The following MRC2 variants were observed in gnomAD, a reference collection of about 807,000 sequenced individuals.
MRC2 encodes the protein mannose receptor C-type 2.
In MRC2, 84 loss-of-function variants were observed where a neutral mutation model predicts 206.2. That is an observed-to-expected ratio of 0.41 (90% CI 0.34 to 0.49). The LOEUF (loss-of-function observed/expected upper bound fraction) is 0.49, where lower values mean the gene tolerates loss of function less well. Among genes scored for constraint, MRC2 ranks in the 20% least tolerant of loss-of-function variants. MRC2 has a pLI of 0.31. For missense variants in MRC2, 1,676 were observed against 2,001.5 expected (o/e 0.84, Z 3.10); for synonymous variants, 798 against 800.0 (o/e 1.00, Z 0.04).
intron 12 of MRC2, among the ~76,000 whole-genome samples, chr17:62,677,905 C>T (rs1267285681): frequency 6.6e-6 from 1 of 152,066 alleles, no homozygotes; most frequent in Non-Finnish European, 1.5e-5. Context: ...AAAAAATTAG[C>T]CAGGTGTGGT....
chr17:62,687,637 G>C (rs1296019740), intron 20 of MRC2, among the ~76,000 whole-genome samples: 2 of 152,352 alleles, frequency 1.3e-5, no homozygotes, highest in Admixed American at 1.3e-4. Context: ...AAATTACAGA[G>C]TTAGAAGCTG....
chr17:62,681,361 G>C (rs1003409046), intron 18 of MRC2: 2 of 589,514 alleles, frequency 3.4e-6, no homozygotes, highest in African/African-American at 3.7e-5. Context: ...AAGTGCTTAC[G>C]CAGCATCCAG....
At chr17:62,677,247 G>A (rs373946808) in intron 11 of MRC2, 22 bp from the exon 12 acceptor site, 305 of 1,549,688 alleles carry the variant, frequency 2.0e-4, no homozygotes, top group Non-Finnish European at 2.6e-4. Flanking sequence ...CAGAGCCTGG[G>A]TCTCCCTTCC....
rs144669561 is a variant in MRC2 at position 62,646,319 on chromosome 17, C to T, written c.119-18229C>T. ...GATTACAGGCGTGAGCCACCGCGCC[C>T]GGCCCCCTCTCTCTCTTTTTTTAAG... On this transcript the variant is annotated intron_variant, in intron 1 of 29. Coordinates refer to ENST00000303375, the MANE Select transcript of MRC2 (RefSeq NM_006039.5). Among the ~76,000 whole-genome samples, 631 of 152,058 alleles carry T rather than the reference C, an allele frequency of 4.1e-3. 2 individuals are homozygous for T. The highest frequency in any genetic ancestry group is 0.015 in the African/African-American group (605 of 41,478).
rs1243401259 is a variant in MRC2 at position 62,690,994 on chromosome 17, A to T, written c.4058A>T (p.Asn1353Ile). 6.2e-7 allele frequency: 1 copy of T among 1,608,806 alleles called. No individual in the cohort carries two copies. Among genetic ancestry groups the T allele is most frequent in the Non-Finnish European group, 8.5e-7 (1 of 1,178,458 alleles). The stretch of plus-strand genomic sequence containing the variant: ...GACAACACAGCTGTGAACTACTCCA[A>T]CTGGGGGCCCCCGGGCTTGGGCCCC... The part of the protein sequence containing the change: ...WQDNTAVNYS[N>I]WGPPGLGPSM... Residue 1353 changes from asparagine to isoleucine, a missense_variant, in exon 28 of 30, where the codon AAC becomes ATC. Asn to Ile is a moderately radical substitution (Grantham distance 149). Around this residue, in one of 3 missense-constraint regions of MRC2, gnomAD observed 1,354 missense variants for 1,636.6 expected, o/e 0.83. Transcript: ENST00000303375.
intron 1 of MRC2, among the ~76,000 whole-genome samples, chr17:62,647,150 A>G (rs1385505462): frequency 6.6e-6 from 1 of 151,904 alleles, no homozygotes; most frequent in Non-Finnish European, 1.5e-5. Flanking sequence ...AAGAAAATAA[A>G]AATGAAGTTA....
At chr17:62,657,195 G>A (rs568352378) in intron 1 of MRC2, among the ~76,000 whole-genome samples, 96 of 152,346 alleles carry the variant, frequency 6.3e-4, no homozygotes, top group Non-Finnish European at 1.8e-4. Flanking sequence ...TGAGGTCACA[G>A]ATTGTTATCG....
Position 62,692,515 on chromosome 17 carries a change from G to T in MRC2, c.*64G>T. 1 of 1,469,592 alleles carries T rather than the reference G, an allele frequency of 6.8e-7. No homozygotes were observed. Among genetic ancestry groups the T allele is most frequent in the Non-Finnish European group, 9.2e-7 (1 of 1,087,090 alleles). 91.0% of individuals were successfully genotyped at this position (1,469,592 alleles called of 1,614,324 possible). A position where few individuals can be genotyped will look rare whatever the true frequency, so the allele number is the denominator to read the frequency against. On this transcript the variant is annotated 3_prime_UTR_variant, in exon 30 of 30. Transcript: ENST00000303375. The surrounding 1 kb of genome is among the most constrained non-coding windows in gnomAD (Gnocchi z 4.2). ...GGGAGCTGGGGCCCTGGGTCAGTCT[G>T]GCCCCCCACCAGCTGCCTGTCCAGT...
chr17:62,672,781 G>C lies in MRC2; in HGVS notation c.1461+629G>C, dbSNP rs8077909. 0.11 allele frequency among the ~76,000 whole-genome samples: 16,658 copies of C among 152,042 alleles called. 1,152 individuals are homozygous for C. Among genetic ancestry groups the C allele is most frequent in the South Asian group, 0.19 (936 of 4,806 alleles). ...CTGAGGCAGGCGGATCACTTGAGGT[G>C]AGGAGTTCGAGACCAGCCTGGCCAA... On this transcript the variant is annotated intron_variant, in intron 8 of 29. Coordinates refer to ENST00000303375, the MANE Select transcript of MRC2 (RefSeq NM_006039.5). The surrounding 1 kb of genome is among the most constrained non-coding windows in gnomAD (Gnocchi z 4.5).
intron 1 of MRC2, among the ~76,000 whole-genome samples, chr17:62,632,135 C>G (rs1019761992): frequency 6.6e-6 from 1 of 152,132 alleles, no homozygotes; most frequent in African/African-American, 2.4e-5. Context: ...ATCTGTCACT[C>G]TTCAGCTAGG....
intron 1 of MRC2, among the ~76,000 whole-genome samples, chr17:62,636,461 ATTTTTTTTTTTTTTTT>A (rs60774612): frequency 1.3e-5 from 1 of 76,934 alleles, no homozygotes; most frequent in Non-Finnish European, 2.4e-5. Flanking sequence ...TAATCTTCTG[ATTTTTTTTTTTTTTTT>A]TTTTTTTTTG....
chr17:62,649,912 T>C (rs2088535462), intron 1 of MRC2, among the ~76,000 whole-genome samples: 1 of 151,946 alleles, frequency 6.6e-6, no homozygotes, highest in East Asian at 1.9e-4. Context: ...TTTTAAAATT[T>C]TTTTGAGACA....
In MRC2 at chr17:62,667,109, C is replaced by A. The variant is rs977454814; in HGVS notation, c.973+239C>A. Among the ~76,000 whole-genome samples, 10 of 152,136 alleles carry A rather than the reference C, an allele frequency of 6.6e-5. No individual in the cohort carries two copies. Among genetic ancestry groups the A allele is most frequent in the African/African-American group, 2.4e-5 (1 of 41,438 alleles). ...CCTCCACTCACCTCTTCAGCCACCC[C>A]TGTGGGCAGCGGGCACCAGCGCACC... On this transcript the variant is annotated intron_variant, in intron 5 of 29. Transcript: ENST00000303375. This position sits in a 1 kb window ranked among gnomAD's most constrained non-coding sequence, Gnocchi z 4.1.
chr17:62,628,009 C>T (rs1432420672), intron 1 of MRC2, 89 bp downstream of exon 1: 4 of 847,020 alleles, frequency 4.7e-6, no homozygotes, highest in Non-Finnish European at 5.0e-6. Flanking sequence ...CTCCTTTTCC[C>T]CCCTCTTTTC....
chr17:62,689,888 G>A lies in MRC2; in HGVS notation c.3574-6G>A. 6.3e-7 allele frequency: 1 copy of A among 1,585,554 alleles called. No individual in the cohort carries two copies. The highest frequency in any genetic ancestry group is 1.1e-5 in the South Asian group (1 of 87,778). Reference sequence around the variant, plus strand: ...TTCCTCCCACCCCATGGCCCCCCATGCCCAGGGCTCTCGGCGGTACTCCTG... The same window carrying A: ...TTCCTCCCACCCCATGGCCCCCCATACCCAGGGCTCTCGGCGGTACTCCTG... On this transcript the variant is annotated splice_region_variant and splice_polypyrimidine_tract_variant and intron_variant, in intron 24 of 29. Transcript: ENST00000303375.
chr17:62,646,228 G>T (rs2088483617), intron 1 of MRC2, among the ~76,000 whole-genome samples: 1 of 151,830 alleles, frequency 6.6e-6, no homozygotes, highest in Non-Finnish European at 1.5e-5. Flanking sequence ...GTTTCACCGT[G>T]TTGGCCAGGA....
In MRC2 at chr17:62,682,391, A is replaced by G. The variant is rs757163819; in HGVS notation, c.2946+14A>G. On this transcript the variant is annotated intron_variant, in intron 20 of 29. Transcript: ENST00000303375. ...TTCCTCAACAAGGTAGGAGGTGGCA[A>G]TGGGGCACCCAAGGGAGTCAGGGGA... 17 of 1,601,762 alleles carry G rather than the reference A, an allele frequency of 1.1e-5. No homozygotes were observed. The highest frequency in any genetic ancestry group is 8.1e-5 in the African/African-American group (6 of 74,442).
chr17:62,659,712 C>T (rs564070005), intron 1 of MRC2, among the ~76,000 whole-genome samples: 1 of 152,256 alleles, frequency 6.6e-6, no homozygotes, highest in South Asian at 2.1e-4. Flanking sequence ...GAGAGGAACC[C>T]CATCCAAGTG....
rs1336282999 is a variant in MRC2, at chr17:62,682,285, C to T, written c.2854C>T (p.Arg952Cys). ...GACAGCCTTGCCCTACATCTGCAAG[C>T]GCAGCAACGTCACCAAAGAAACGCA... ...CLTALPYICKRSNVTKETQPP... is the reference protein window; with the variant it reads ...CLTALPYICKCSNVTKETQPP... The change falls in exon 20 of 30, where the codon CGC becomes TGC. Residue 952 changes from arginine to cysteine, a missense_variant. By Grantham distance (180) the Arg-to-Cys change is radical (BLOSUM62 -3). Transcript: ENST00000303375. 9 of 1,604,328 alleles carry T rather than the reference C, an allele frequency of 5.6e-6. No individual in the cohort carries two copies. Among genetic ancestry groups the T allele is most frequent in the Non-Finnish European group, 7.7e-6 (9 of 1,175,310 alleles).
Sources: gnomAD v4.1 joint callset for allele counts (sites outside exome capture counted in the v4.1 genomes callset) on GRCh38, gnomAD v4.1.1 for gene constraint, gnomAD v4.1.1 regional missense constraint, Gnocchi (gnomAD v3.1) non-coding constraint, MANE v1.5 for transcripts, NCBI Gene and HGNC (gene_info 2026-07-23, HGNC 2026-07-21) for gene names.